The following CHIC1 variants were observed in gnomAD, a reference collection of about 807,000 sequenced individuals.
CHIC1 encodes the protein cysteine rich hydrophobic domain 1, also known as cysteine-rich hydrophobic domain-containing protein 1.
Under a neutral mutation model 18.5 loss-of-function variants are expected in CHIC1, and 7 were observed. The observed-to-expected ratio is 0.38, with a 90% CI of 0.22 to 0.71. CHIC1 has a LOEUF of 0.71. Ranked by LOEUF, CHIC1 falls within the 30% of genes least tolerant of loss-of-function variation. The probability of loss-of-function intolerance (pLI) is 0.49; values close to 1 mark genes in which losing one functional copy is unlikely to be tolerated. For synonymous variants in CHIC1, 77 were observed against 73.5 expected, an observed-to-expected ratio of 1.05 and a Z score of -0.25; for missense variants, 159 against 176.9, an observed-to-expected ratio of 0.90 and a Z score of 0.57.
At chrX:73,590,868 T>C (rs532809546) in intron 3 of CHIC1, among the ~76,000 whole-genome samples, 3 of 111,801 alleles carry the variant, frequency 2.7e-5, no homozygotes, top group African/African-American at 6.5e-5. Context: ...AAAGGGTTTC[T>C]TGGTTACTTC....
intron 3 of CHIC1, among the ~76,000 whole-genome samples, chrX:73,611,203 T>C (rs1243200002): frequency 1.9e-5 from 2 of 107,802 alleles, no homozygotes; most frequent in South Asian, 3.9e-4. Context: ...CAGTGTGTGA[T>C]GTTCCCCTTC....
rs552246178 is a variant in CHIC1 at position 73,582,311 on chromosome X, A to G, written c.352-2106A>G. On this transcript the variant is annotated intron_variant, in intron 2 of 5. Transcript: ENST00000373502. ...AGTTGACAGTAATGTAATATTACAG[A>G]TTAAAGCTAAATATGTTCATATTTT... Among the ~76,000 whole-genome samples the G allele has an allele frequency of 4.5e-5, 5 of 110,920 alleles. No individual in the cohort carries two copies. In the East Asian group the frequency reaches 1.4e-3, roughly 32 times the overall value.
In CHIC1 at chrX:73,584,738, T is replaced by A. The variant is rs2057545192; in HGVS notation, c.507+166T>A. ...AAACTTGGGGACAGGTACATTGTTA[T>A]TTGTCCAACTTTTGTCAACACTTTA... On this transcript the variant is annotated intron_variant, in intron 3 of 5. Transcript: ENST00000373502. Among the ~76,000 whole-genome samples the A allele has an allele frequency of 3.6e-5, 4 of 111,933 alleles. No individual in the cohort carries two copies. In the South Asian group the frequency reaches 1.5e-3, roughly 41 times the overall value.
At chrX:73,568,913 T>A (rs1325825359) in intron 1 of CHIC1, among the ~76,000 whole-genome samples, 1 of 111,951 alleles carries the variant, frequency 8.9e-6, no homozygotes, top group Non-Finnish European at 1.9e-5. Flanking sequence ...AACAGTTGTC[T>A]GAGAAATTAC....
intron 3 of CHIC1, among the ~76,000 whole-genome samples, chrX:73,670,477 A>G (rs948652514): frequency 9.2e-6 from 1 of 108,451 alleles, no homozygotes; most frequent in Non-Finnish European, 1.9e-5. Context: ...TTTAGTCTCT[A>G]TTTTTTTCTG....
chrX:73,673,130 A>T (rs2058041036), intron 3 of CHIC1, among the ~76,000 whole-genome samples: 1 of 111,886 alleles, frequency 8.9e-6, no homozygotes, highest in Non-Finnish European at 1.9e-5. Flanking sequence ...TACCAGTACC[A>T]TGCTGTTTTG....
Position 73,643,096 on chromosome X carries a change from G to A in CHIC1, c.508-36230G>A, listed in dbSNP as rs751727091. Among the ~76,000 whole-genome samples the A allele has an allele frequency of 1.3e-4, 14 of 111,661 alleles. No individual in the cohort carries two copies. The East Asian group carries it at 3.7e-3, about 29-fold the overall frequency. On this transcript the variant is annotated intron_variant, in intron 3 of 5. Coordinates refer to ENST00000373502, the MANE Select transcript of CHIC1 (RefSeq NM_001039840.4). Reference sequence around the variant, plus strand: ...AAAATCTCTCAGCATTTGCTTGTCTGTAAAGTATTTTATTTCTCCTTCACT... The same window carrying A: ...AAAATCTCTCAGCATTTGCTTGTCTATAAAGTATTTTATTTCTCCTTCACT...
intron 2 of CHIC1, among the ~76,000 whole-genome samples, chrX:73,579,912 A>T (rs776812841): frequency 9.0e-6 from 1 of 111,060 alleles, no homozygotes; most frequent in South Asian, 3.8e-4. Flanking sequence ...AATGTGAATT[A>T]TAAGAACTTC....
intron 1 of CHIC1, among the ~76,000 whole-genome samples, chrX:73,571,577 G>A (rs2057470999): frequency 9.0e-6 from 1 of 110,905 alleles, no homozygotes; most frequent in Non-Finnish European, 1.9e-5. Flanking sequence ...CATGCATAGT[G>A]GTGTCCCATC....
chrX:73,609,293 C>G (rs754166757), intron 3 of CHIC1, among the ~76,000 whole-genome samples: 2 of 108,609 alleles, frequency 1.8e-5, no homozygotes, highest in East Asian at 5.6e-4. Flanking sequence ...AAACAAAAAC[C>G]TTTTAGTCTT....
At chrX:73,664,454 A>G (rs779341795) in intron 3 of CHIC1, among the ~76,000 whole-genome samples, 1 of 110,597 alleles carries the variant, frequency 9.0e-6, no homozygotes, top group South Asian at 4.0e-4. Context: ...TGCTCGTATA[A>G]GTTCCCCAAC....
chrX:73,598,087 G>T (rs1391419247), intron 3 of CHIC1, among the ~76,000 whole-genome samples: 1 of 111,336 alleles, frequency 9.0e-6, no homozygotes, highest in Non-Finnish European at 1.9e-5. Flanking sequence ...ACATTCATAT[G>T]CATGTGTCTT....
chrX:73,620,799 C>T (rs949296601), intron 3 of CHIC1, among the ~76,000 whole-genome samples: 1 of 111,850 alleles, frequency 8.9e-6, no homozygotes, highest in African/African-American at 3.2e-5. Flanking sequence ...AATGGTATTG[C>T]CTAGGTTTTC....
intron 3 of CHIC1, among the ~76,000 whole-genome samples, chrX:73,627,857 A>C (rs55856273): frequency 0.048 from 5,320 of 111,212 alleles, 322 homozygotes; most frequent in African/African-American, 0.16. Context: ...TGCTTTTCTT[A>C]GTCAGGAGTT....
intron 3 of CHIC1, among the ~76,000 whole-genome samples, chrX:73,628,907 C>T (rs1161687561): frequency 9.0e-6 from 1 of 111,127 alleles, no homozygotes; most frequent in African/African-American, 3.3e-5. Context: ...AAACTCCATA[C>T]TCTTCTACCT....
chrX:73,632,422 G>C (rs1324451256), intron 3 of CHIC1, among the ~76,000 whole-genome samples: 1 of 111,745 alleles, frequency 8.9e-6, no homozygotes, highest in Non-Finnish European at 1.9e-5. Context: ...TTTTCTATTG[G>C]AGAGTTTAAT....
intron 3 of CHIC1, among the ~76,000 whole-genome samples, chrX:73,652,566 A>G (rs769673692): frequency 8.9e-6 from 1 of 112,505 alleles, no homozygotes; most frequent in East Asian, 2.8e-4. Context: ...AATGTGGGCA[A>G]AGTATATGAA....
In CHIC1 at chrX:73,681,447, T is replaced by C. The variant is rs1215562696; in HGVS notation, c.*442T>C. The C allele has an allele frequency of 8.7e-6, 1 of 114,821 alleles. No individual in the cohort carries two copies. The highest frequency in any genetic ancestry group is 1.8e-5 in the Non-Finnish European group (1 of 54,947). 9.5% of individuals were successfully genotyped at this position (114,821 alleles called of 1,213,427 possible). A position where few individuals can be genotyped will look rare whatever the true frequency, so the allele number is the denominator to read the frequency against. ...GTAGCTTTTAGAAATGGTTTTACTC[T>C]GCTTTTAAAGGACATGCTTTTAAAG... On this transcript the variant is annotated 3_prime_UTR_variant, in exon 6 of 6. Transcript: ENST00000373502.
intron 3 of CHIC1, among the ~76,000 whole-genome samples, chrX:73,639,031 G>A (rs2057843358): frequency 9.0e-6 from 1 of 111,246 alleles, no homozygotes. Flanking sequence ...TATTCCTTTG[G>A]GTATATACCC....
Sources: allele counts gnomAD v4.1 joint callset (sites outside exome capture counted in the v4.1 genomes callset), GRCh38; gene constraint gnomAD v4.1.1; transcripts MANE v1.5; gene names NCBI Gene and HGNC (gene_info 2026-07-23, HGNC 2026-07-21).